ASPRV1: variants seen among roughly 807,000 people sequenced by gnomAD.
The protein encoded by ASPRV1 is aspartic peptidase retroviral like 1.
Under a neutral mutation model 11.0 loss-of-function variants are expected in ASPRV1, and 7 were observed. The ratio of observed to expected loss-of-function variants is 0.64; its 90% confidence interval spans 0.36 to 1.20. The LOEUF (loss-of-function observed/expected upper bound fraction) is 1.20, where lower values mean the gene tolerates loss of function less well. ASPRV1 is among the 50% of genes most tolerant of loss of function. The probability of loss-of-function intolerance (pLI) is 0.02; values close to 1 mark genes in which losing one functional copy is unlikely to be tolerated. For synonymous variants in ASPRV1, 136 were observed against 138.4 expected (o/e 0.98, Z 0.12); for missense variants, 299 against 320.0 (o/e 0.93, Z 0.50).
chr2:70,006,124 C>T, the ASPRV1 span, among the ~76,000 whole-genome samples: 19 of 152,300 alleles, frequency 1.2e-4, no homozygotes, highest in South Asian at 6.2e-4. Flanking sequence ...TGCCCATGTG[C>T]GCACACACAC....
the ASPRV1 span, among the ~76,000 whole-genome samples, chr2:69,952,418 T>C: frequency 3.0e-4 from 45 of 152,132 alleles, no homozygotes; most frequent in African/African-American, 1.0e-3. Context: ...GATGAGGGGA[T>C]TGCTTGAGCC....
chr2:69,988,102 G>A, the ASPRV1 span, among the ~76,000 whole-genome samples: 1 of 152,220 alleles, frequency 6.6e-6, no homozygotes, highest in Admixed American at 6.5e-5. Flanking sequence ...AAATGATATG[G>A]TGGTTCCCCA....
chr2:69,988,563 T>G, the ASPRV1 span: 2 of 332,070 alleles, frequency 6.0e-6, no homozygotes, highest in East Asian at 8.0e-5. Context: ...GGGTAGAGAG[T>G]TTCAGTGTGG....
the ASPRV1 span, chr2:69,937,397 G>T: frequency 6.2e-7 from 1 of 1,600,580 alleles, no homozygotes. Flanking sequence ...CGACAGGGGT[G>T]AGCCTCTCTC....
chr2:69,996,294 A>G, the ASPRV1 span, among the ~76,000 whole-genome samples: 1 of 147,784 alleles, frequency 6.8e-6, no homozygotes, highest in African/African-American at 2.5e-5. Context: ...TGGGAGGCTG[A>G]GGTGGGAGAA....
chr2:69,952,249 G>C, the ASPRV1 span, among the ~76,000 whole-genome samples: 19 of 152,154 alleles, frequency 1.2e-4, no homozygotes, highest in African/African-American at 4.1e-4. Context: ...AAATTGCCTG[G>C]CCGGGTGCAG....
chr2:69,990,550 T>G, the ASPRV1 span, among the ~76,000 whole-genome samples: 6 of 152,068 alleles, frequency 3.9e-5, no homozygotes, highest in Admixed American at 3.9e-4. Flanking sequence ...TGATCAGGGC[T>G]TACTGTAGCC....
At chr2:70,077,874 A>G in the ASPRV1 span, among the ~76,000 whole-genome samples, 1 of 151,144 alleles carries the variant, frequency 6.6e-6, no homozygotes. Context: ...TAAAATAAAA[A>G]TTAAATAAAT....
chr2:69,971,982 C>A, the ASPRV1 span, among the ~76,000 whole-genome samples: 1 of 152,290 alleles, frequency 6.6e-6, no homozygotes, highest in South Asian at 2.1e-4. Flanking sequence ...TACCATGGGG[C>A]TTAGCCAGTA....
At chr2:70,075,471 A>AT in the ASPRV1 span, among the ~76,000 whole-genome samples, 1 of 152,138 alleles carries the variant, frequency 6.6e-6, no homozygotes, top group Non-Finnish European at 1.5e-5. Context: ...TCAACTCTAT[A>AT]AAACGGGGAT....
the ASPRV1 span, among the ~76,000 whole-genome samples, chr2:70,084,740 T>C: frequency 2.0e-5 from 3 of 152,170 alleles, no homozygotes; most frequent in East Asian, 3.8e-4. Context: ...TAAATCATAA[T>C]GTAAAATTTG....
At chr2:69,990,700 C>T in the ASPRV1 span, among the ~76,000 whole-genome samples, 2 of 152,174 alleles carry the variant, frequency 1.3e-5, no homozygotes. Flanking sequence ...AGCCATCTCC[C>T]TGCCTTGGCC....
the ASPRV1 span, among the ~76,000 whole-genome samples, chr2:70,007,970 G>A: frequency 6.6e-6 from 1 of 151,996 alleles, no homozygotes; most frequent in East Asian, 1.9e-4. Context: ...CGAGTAGCTG[G>A]GACTACAGGT....
At chr2:70,014,998 G>A in the ASPRV1 span, among the ~76,000 whole-genome samples, 1 of 151,958 alleles carries the variant, frequency 6.6e-6, no homozygotes. Context: ...CCAAAGAAGG[G>A]ACACAAATGG....
the ASPRV1 span, among the ~76,000 whole-genome samples, chr2:70,029,518 A>G: frequency 6.6e-6 from 1 of 152,128 alleles, no homozygotes; most frequent in Non-Finnish European, 1.5e-5. Context: ...GCGCACCTGC[A>G]GTCCCAGCTA....
chr2:69,944,510 GC>G, the ASPRV1 span, among the ~76,000 whole-genome samples: 1 of 152,166 alleles, frequency 6.6e-6, no homozygotes, highest in African/African-American at 2.4e-5. Flanking sequence ...GAGGCATTTT[GC>G]CCCAAACCCA....
the ASPRV1 span, among the ~76,000 whole-genome samples, chr2:70,038,610 C>T: frequency 2.0e-5 from 3 of 152,224 alleles, no homozygotes; most frequent in South Asian, 4.1e-4. Context: ...GCGTATGAAG[C>T]TCTTTATTCC....
the ASPRV1 span, among the ~76,000 whole-genome samples, chr2:69,998,307 T>C: frequency 6.6e-6 from 1 of 152,082 alleles, no homozygotes; most frequent in Non-Finnish European, 1.5e-5. Context: ...TGTGACTTTA[T>C]GTTTGTCATT....
Position 69,960,679 on chromosome 2 carries a change from C to A in ASPRV1, c.758G>T (p.Gly253Val), listed in dbSNP as rs1470140528. The A allele has an allele frequency of 6.2e-7, 1 of 1,613,148 alleles. No homozygotes were observed. Among genetic ancestry groups the A allele is most frequent in the Non-Finnish European group, 8.5e-7 (1 of 1,179,600 alleles). The change falls in exon 1 of 1, where the codon GGG becomes GTG. Residue 253 changes from glycine (G) to valine (V), a missense_variant. By Grantham distance (109) the Gly-to-Val change is moderately radical. Coordinates refer to ENST00000320256, the MANE Select transcript of ASPRV1 (RefSeq NM_152792.4). Reference sequence around the variant, plus strand: ...TTCTCAGTGGGATAGCTCCTGCCGCCCTTCTTCTGAGGAGGGGTCCTCCTC... The same window carrying A: ...TTCTCAGTGGGATAGCTCCTGCCGCACTTCTTCTGAGGAGGGGTCCTCCTC... ...LIEEDPSSEE[G>V]RQELSH
Sources: allele counts gnomAD v4.1 joint callset (sites outside exome capture counted in the v4.1 genomes callset), GRCh38; gene constraint gnomAD v4.1.1; transcripts MANE v1.5; gene names NCBI Gene and HGNC (gene_info 2026-07-23, HGNC 2026-07-21).